The following INPP5D variants were observed in gnomAD, a reference collection of about 807,000 sequenced individuals.
INPP5D encodes the protein inositol polyphosphate-5-phosphatase D.
INPP5D carries 33 observed loss-of-function variants against 122.9 expected under a neutral mutation model. That is an observed-to-expected ratio of 0.27 (90% CI 0.20 to 0.36). INPP5D has a LOEUF of 0.36. Among genes scored for constraint, INPP5D ranks in the 10% least tolerant of loss-of-function variants. The probability of loss-of-function intolerance (pLI) is 1.00; values close to 1 mark genes in which losing one functional copy is unlikely to be tolerated. For synonymous variants in INPP5D, 584 were observed against 576.2 expected (o/e 1.01, Z -0.19); for missense variants, 1,053 against 1,412.7 (o/e 0.75, Z 4.08).
Position 233,197,148 on chromosome 2 carries a change from G to A in INPP5D, c.2694-947G>A, listed in dbSNP as rs1351156490. 1.3e-5 allele frequency among the ~76,000 whole-genome samples: 2 copies of A among 152,188 alleles called. No individual in the cohort carries two copies. The highest frequency in any genetic ancestry group is 3.8e-4 in the East Asian group (2 of 5,202). ...CGGAACCAGGCTGGCAGAGCACATG[G>A]GAGCTGTGGAGTGTCCCTGACAGCC... On this transcript the variant is annotated intron_variant, in intron 24 of 26. Transcript: ENST00000445964. The surrounding 1 kb of genome is among the most constrained non-coding windows in gnomAD (Gnocchi z 4.4).
intron 5 of INPP5D, chr2:233,131,240 T>A: frequency 2.0e-6 from 1 of 491,010 alleles, no homozygotes; most frequent in Non-Finnish European, 2.6e-6. Flanking sequence ...AATTTCAAGT[T>A]AATTACATTT....
chr2:233,172,908 G>A (rs1256718755), intron 17 of INPP5D, among the ~76,000 whole-genome samples: 1 of 152,084 alleles, frequency 6.6e-6, no homozygotes, highest in African/African-American at 2.4e-5. Flanking sequence ...TAAAAATATG[G>A]TATAAAAAGA....
chr2:233,189,571 G>A lies in INPP5D; in HGVS notation c.2359-279G>A, dbSNP rs577086530. On this transcript the variant is annotated intron_variant, in intron 21 of 26. Coordinates refer to ENST00000445964, the MANE Select transcript of INPP5D (RefSeq NM_001017915.3). The surrounding 1 kb of genome is among the most constrained non-coding windows in gnomAD (Gnocchi z 5.6). Reference sequence around the variant, plus strand: ...GGGGGCAATGGATGGGGCCCATCTGGGGTCAGGCCTTCTTGCTGGGACCTG... The same window carrying A: ...GGGGGCAATGGATGGGGCCCATCTGAGGTCAGGCCTTCTTGCTGGGACCTG... Among the ~76,000 whole-genome samples, 92 of 152,296 alleles carry A rather than the reference G, an allele frequency of 6.0e-4. No homozygotes were observed. The highest frequency in any genetic ancestry group is 3.3e-3 in the Admixed American group (50 of 15,302).
chr2:233,065,291 A>C (rs1027764660), intron 1 of INPP5D, among the ~76,000 whole-genome samples: 1 of 148,678 alleles, frequency 6.7e-6, no homozygotes, highest in African/African-American at 2.5e-5. Context: ...TCATGAACAC[A>C]ATCAGCACTT....
At chr2:233,200,372 G>T (rs559345327) in intron 25 of INPP5D, among the ~76,000 whole-genome samples, 1 of 152,256 alleles carries the variant, frequency 6.6e-6, no homozygotes, top group Admixed American at 6.5e-5. Flanking sequence ...TTTAAGATGG[G>T]CAAGATAGCT....
chr2:233,115,396 G>A (rs1284959336), intron 2 of INPP5D, among the ~76,000 whole-genome samples: 4 of 152,200 alleles, frequency 2.6e-5, no homozygotes, highest in Non-Finnish European at 4.4e-5. Context: ...ACTTGAGCCT[G>A]TGCAATGACT....
In INPP5D at chr2:233,186,684, C is replaced by CTTTTTTTTTTTTTTT. The variant is rs144243823; in HGVS notation, c.2358+801_2358+815dup. On this transcript the variant is annotated intron_variant, in intron 21 of 26. Coordinates refer to ENST00000445964, the MANE Select transcript of INPP5D (RefSeq NM_001017915.3). ...CTTGTTTTTTTTTCTTTTTCTCTTT[C>CTTTTTTTTTTTTTTT]TTTTTTTTTTTTTTTTTTTTTTTTT... is the stretch of plus-strand genomic sequence containing the variant. Among the ~76,000 whole-genome samples, 11 of 44,526 alleles carry CTTTTTTTTTTTTTTT rather than the reference C, an allele frequency of 2.5e-4. 1 individual carries two copies. Among genetic ancestry groups the CTTTTTTTTTTTTTTT allele is most frequent in the Non-Finnish European group, 3.9e-4 (9 of 23,220 alleles). The allele number at this position is 44,526 out of a possible 152,430, so 29.2% of individuals were successfully genotyped here.
chr2:233,132,677 A>T (rs1693361026), intron 5 of INPP5D, among the ~76,000 whole-genome samples: 1 of 152,306 alleles, frequency 6.6e-6, no homozygotes, highest in South Asian at 2.1e-4. Flanking sequence ...TTGTAAACCC[A>T]TAATTTTCAA....
chr2:233,117,175 C>T lies in INPP5D; in HGVS notation c.199-4932C>T, dbSNP rs899499060. 2.6e-5 allele frequency among the ~76,000 whole-genome samples: 4 copies of T among 152,152 alleles called. No homozygotes were observed. The South Asian group carries it at 8.3e-4, about 32-fold the overall frequency. On this transcript the variant is annotated intron_variant, in intron 2 of 26. Transcript: ENST00000445964. ...GACTTAACAACTCTTTTCAGGAAGG[C>T]GGCTGCTGTGGAATGGGGAACGAAG... is the stretch of plus-strand genomic sequence containing the variant.
intron 2 of INPP5D, among the ~76,000 whole-genome samples, chr2:233,116,822 G>C (rs1047641138): frequency 7.4e-5 from 11 of 148,724 alleles, no homozygotes; most frequent in Middle Eastern, 4.1e-3. Context: ...GTCTTGAACT[G>C]CTGACCTCGT....
chr2:233,073,883 T>C (rs1043541938), intron 1 of INPP5D, among the ~76,000 whole-genome samples: 5 of 152,218 alleles, frequency 3.3e-5, no homozygotes, highest in African/African-American at 9.7e-5. Flanking sequence ...CTGTCCCTAA[T>C]GGTCAGTTTC....
chr2:233,161,310 T>C (rs1694191443), intron 10 of INPP5D, among the ~76,000 whole-genome samples: 1 of 152,102 alleles, frequency 6.6e-6, no homozygotes, highest in Non-Finnish European at 1.5e-5. Context: ...CAGGCTGGTC[T>C]CGAACTCCTG....
intron 26 of INPP5D, chr2:233,205,160 C>A (rs973248002): frequency 6.4e-6 from 1 of 156,138 alleles, no homozygotes; most frequent in African/African-American, 2.4e-5. Flanking sequence ...TCCTGGCCAA[C>A]ATGGTGAAAC....
rs891145479 is a variant in INPP5D, at chr2:233,188,573, T to A, written c.2359-1277T>A. ...GTTTCCAGTCATCTGTTCTGGAACT[T>A]TTTTTTGAGACTGAGTCTTGTTCTG... On this transcript the variant is annotated intron_variant, in intron 21 of 26. Coordinates refer to ENST00000445964, the MANE Select transcript of INPP5D (RefSeq NM_001017915.3). This position sits in a 1 kb window ranked among gnomAD's most constrained non-coding sequence, Gnocchi z 4.7. Among the ~76,000 whole-genome samples, 2 of 152,060 alleles carry A rather than the reference T, an allele frequency of 1.3e-5. No individual in the cohort carries two copies. Among genetic ancestry groups the A allele is most frequent in the African/African-American group, 4.8e-5 (2 of 41,406 alleles).
At chr2:233,136,127 C>A (rs1693458076) in intron 5 of INPP5D, among the ~76,000 whole-genome samples, 1 of 152,174 alleles carries the variant, frequency 6.6e-6, no homozygotes, top group African/African-American at 2.4e-5. Flanking sequence ...TGTGATGCAG[C>A]CAAAGCACCA....
intron 2 of INPP5D, among the ~76,000 whole-genome samples, chr2:233,119,922 C>CCTGCCCA (rs1692921217): frequency 6.6e-6 from 1 of 152,250 alleles, no homozygotes; most frequent in Non-Finnish European, 1.5e-5. Context: ...CACCCTCCCA[C>CCTGCCCA]CTGCCCACGT....
chr2:233,198,792 A>C (rs1044085441), intron 25 of INPP5D, among the ~76,000 whole-genome samples: 6 of 151,684 alleles, frequency 4.0e-5, no homozygotes, highest in African/African-American at 1.5e-4. Context: ...CTCTACTAAA[A>C]ATACAAAATT....
intron 2 of INPP5D, among the ~76,000 whole-genome samples, chr2:233,094,097 C>A (rs998132411): frequency 1.3e-5 from 2 of 151,716 alleles, no homozygotes; most frequent in East Asian, 3.9e-4. Flanking sequence ...ACACCCCCTC[C>A]CCCCCCAAAA....
chr2:233,162,378 A>C (rs913814058), intron 11 of INPP5D, among the ~76,000 whole-genome samples: 7 of 151,972 alleles, frequency 4.6e-5, no homozygotes, highest in Non-Finnish European at 7.4e-5. Flanking sequence ...TGCTGAATAT[A>C]TAGTATATAT....
Sources: gnomAD v4.1 joint callset for allele counts (sites outside exome capture counted in the v4.1 genomes callset) on GRCh38, gnomAD v4.1.1 for gene constraint, Gnocchi (gnomAD v3.1) non-coding constraint, MANE v1.5 for transcripts, NCBI Gene and HGNC (gene_info 2026-07-23, HGNC 2026-07-21) for gene names.